TM9SF4: variants seen among roughly 807,000 people sequenced by gnomAD.
TM9SF4 encodes the protein dinucleotide oxidase disulfide thiol exchanger 3 superfamily member 4.
Under a neutral mutation model 90.4 loss-of-function variants are expected in TM9SF4, and 26 were observed. The observed-to-expected ratio is 0.29, with a 90% CI of 0.21 to 0.40. The LOEUF is 0.40. Among genes scored for constraint, TM9SF4 ranks in the 10% least tolerant of loss-of-function variants. TM9SF4 has a pLI of 1.00. For missense variants in TM9SF4, 549 were observed against 834.8 expected, an observed-to-expected ratio of 0.66 and a Z score of 4.22; for synonymous variants, 293 against 315.4, an observed-to-expected ratio of 0.93 and a Z score of 0.75.
Position 32,157,919 on chromosome 20 carries a change from G to C in TM9SF4, c.1455G>C (p.Gln485His). Residue 485 changes from glutamine (Q) to histidine (H), a missense_variant, in exon 14 of 18, where the codon CAG becomes CAC. Physicochemically the swap from Gln to His is conservative, Grantham distance 24. Coordinates refer to ENST00000398022, the MANE Select transcript of TM9SF4 (RefSeq NM_014742.4). ...QPYDNPVRTN[Q>H]IPRQIPEQRW... ...ATGACAACCCTGTGCGCACCAACCA[G>C]ATTCCCCGGCAGATCCCCGAGCAGC... The C allele has an allele frequency of 1.9e-6, 3 of 1,614,140 alleles. No homozygotes were observed. Among genetic ancestry groups the C allele is most frequent in the Non-Finnish European group, 2.5e-6 (3 of 1,180,026 alleles).
Position 32,161,333 on chromosome 20 carries a change from C to T in TM9SF4, c.1747C>T (p.Leu583=), listed in dbSNP as rs1289603230. The T allele has an allele frequency of 6.2e-7, 1 of 1,613,900 alleles. No homozygotes were observed. The highest frequency in any genetic ancestry group is 8.5e-7 in the Non-Finnish European group (1 of 1,179,996). The change falls in exon 17 of 18, where the codon CTG becomes TTG. Residue 583 remains leucine, a synonymous_variant. Transcript: ENST00000398022. ...CTCCGGGGGCTCTGCATTCTACGTC[C>T]TGGTTTATGCCATCTTTTATTTCGT... ...LVSGGSAFYV[L]VYAIFYFVNK... is the part of the protein sequence containing the mutation.
At chr20:32,160,145 A>G in intron 16 of TM9SF4, 34 bp downstream of exon 16, 1 of 1,613,662 alleles carries the variant, frequency 6.2e-7, no homozygotes, top group Non-Finnish European at 8.5e-7. Context: ...CGGGGGAGGG[A>G]GAACTGGATC....
chr20:32,114,506 T>C (rs1323704982), intron 1 of TM9SF4, among the ~76,000 whole-genome samples: 1 of 152,188 alleles, frequency 6.6e-6, no homozygotes, highest in Admixed American at 6.5e-5. Flanking sequence ...TTTTTAATTA[T>C]ATTTTTCTTA....
In TM9SF4 at chr20:32,163,268, AATATAT is replaced by A. The variant is rs1186662308; in HGVS notation, c.1779+1926_1779+1931del. Reference sequence around the variant, plus strand: ...CTCAAAAAAAAAAAAAAAAAAAAAAAATATATATATATATATATATATATATATGTA... The same window carrying A: ...CTCAAAAAAAAAAAAAAAAAAAAAAAATATATATATATATATATATATGTA... On this transcript the variant is annotated intron_variant, in intron 17 of 17. Transcript: ENST00000398022. 1.6e-4 allele frequency among the ~76,000 whole-genome samples: 12 copies of A among 74,480 alleles called. 1 individual carries two copies. Among genetic ancestry groups the A allele is most frequent in the South Asian group, 3.5e-4 (1 of 2,840 alleles). The allele number at this position is 74,480 out of a possible 152,430, so 48.9% of individuals were successfully genotyped here.
chr20:32,129,414 G>A (rs1167705221), intron 1 of TM9SF4, among the ~76,000 whole-genome samples: 1 of 152,060 alleles, frequency 6.6e-6, no homozygotes, highest in East Asian at 1.9e-4. Context: ...GATCTCTTGA[G>A]CCCAAGAGGT....
intron 1 of TM9SF4, among the ~76,000 whole-genome samples, chr20:32,123,854 A>ATTTTT (rs2046372901): frequency 1.6e-5 from 1 of 63,076 alleles, no homozygotes; most frequent in African/African-American, 1.1e-4. Flanking sequence ...TCATATATAT[A>ATTTTT]TATATATATA....
At chr20:32,162,764 G>T (rs185178960) in intron 17 of TM9SF4, among the ~76,000 whole-genome samples, 45 of 152,010 alleles carry the variant, frequency 3.0e-4, no homozygotes, top group Admixed American at 2.3e-3. Context: ...TTAATTCTGG[G>T]ATCATCTAGA....
intron 1 of TM9SF4, among the ~76,000 whole-genome samples, chr20:32,132,420 C>T (rs2046532911): frequency 6.6e-6 from 1 of 151,794 alleles, no homozygotes; most frequent in Non-Finnish European, 1.5e-5. Flanking sequence ...AGAGATGTGC[C>T]GTGCAGGTGC....
At chr20:32,136,940 G>C in intron 3 of TM9SF4, 1 of 471,146 alleles carries the variant, frequency 2.1e-6, no homozygotes, top group South Asian at 1.5e-5. Context: ...CTCCGTCAGG[G>C]CTACGCATGG....
At chr20:32,163,281 ATATATATATATATATG>A (rs1455566758) in intron 17 of TM9SF4, among the ~76,000 whole-genome samples, 5 of 122,700 alleles carry the variant, frequency 4.1e-5, no homozygotes, top group East Asian at 2.6e-4. Context: ...ATATATATAT[ATATATATATATATATG>A]TATGTATGTA....
At position 32,157,790 on chromosome 20, in the gene TM9SF4, A is replaced by G. The variant is rs1408319942; in HGVS notation, c.1330-4A>G. Reference sequence around the variant, plus strand: ...GTGGGGGCCTCATGGTGCCATGTCTACAGGTGCCCTTTCCCACCATGGTGG... The same window carrying G: ...GTGGGGGCCTCATGGTGCCATGTCTGCAGGTGCCCTTTCCCACCATGGTGG... On this transcript the variant is annotated splice_region_variant and splice_polypyrimidine_tract_variant and intron_variant, in intron 13 of 17. Transcript: ENST00000398022. 1 of 1,614,028 alleles carries G rather than the reference A, an allele frequency of 6.2e-7. No individual in the cohort carries two copies. The highest frequency in any genetic ancestry group is 8.5e-7 in the Non-Finnish European group (1 of 1,179,922).
intron 1 of TM9SF4, among the ~76,000 whole-genome samples, chr20:32,119,665 T>G (rs116846231): frequency 2.5e-3 from 381 of 152,226 alleles, no homozygotes; most frequent in Non-Finnish European, 4.5e-3. Context: ...GTAAAAGTTT[T>G]TAAATTTTTA....
At chr20:32,140,497 T>C (rs893256985) in intron 3 of TM9SF4, among the ~76,000 whole-genome samples, 24 of 152,326 alleles carry the variant, frequency 1.6e-4, no homozygotes, top group African/African-American at 5.8e-4. Flanking sequence ...GAAACATGAC[T>C]GTATCAGCAC....
At chr20:32,119,353 T>G (rs1314675513) in intron 1 of TM9SF4, among the ~76,000 whole-genome samples, 1 of 152,182 alleles carries the variant, frequency 6.6e-6, no homozygotes, top group Admixed American at 6.5e-5. Flanking sequence ...CCCAGCACTT[T>G]GGGAGGCCGA....
At chr20:32,122,050 G>A (rs1167480283) in intron 1 of TM9SF4, among the ~76,000 whole-genome samples, 3 of 117,974 alleles carry the variant, frequency 2.5e-5, no homozygotes, top group East Asian at 2.7e-4. Flanking sequence ...ACCTCCCTCC[G>A]GGACGGGGCA....
At position 32,159,995 on chromosome 20, in the gene TM9SF4, A is replaced by C; in HGVS notation, c.1573A>C (p.Ile525Leu). 6.2e-7 allele frequency: 1 copy of C among 1,614,240 alleles called. No homozygotes were observed. Among genetic ancestry groups the C allele is most frequent in the Non-Finnish European group, 8.5e-7 (1 of 1,180,048 alleles). ...FIELFFIFSA[I>L]WENQFYYLFG... ...AAGCCCCACTGTGTGTCCACAGGCT[A>C]TCTGGGAGAATCAGTTCTATTACCT... Residue 525 changes from isoleucine to leucine, a missense_variant, in exon 16 of 18, where the codon ATC becomes CTC. Transcript: ENST00000398022.
At chr20:32,109,804 G>T (rs1032649757) in intron 1 of TM9SF4, 49 bp downstream of exon 1, 3 of 1,551,266 alleles carry the variant, frequency 1.9e-6, no homozygotes, top group Non-Finnish European at 2.6e-6. Flanking sequence ...GGCCCTCCGG[G>T]GTATCCCAGG....
intron 14 of TM9SF4, 49 bp downstream of exon 14, chr20:32,158,018 G>GCC: frequency 1.9e-6 from 3 of 1,600,520 alleles, no homozygotes; most frequent in Non-Finnish European, 2.6e-6. Flanking sequence ...AAGAGGGTAC[G>GCC]CCCCCCTCCG....
intron 1 of TM9SF4, among the ~76,000 whole-genome samples, chr20:32,117,539 G>C (rs1275663953): frequency 6.6e-6 from 1 of 152,154 alleles, no homozygotes; most frequent in Admixed American, 6.5e-5. Context: ...AAACTGGGTG[G>C]GGTGAATTTG....
Sources: allele counts gnomAD v4.1 joint callset (sites outside exome capture counted in the v4.1 genomes callset), GRCh38; gene constraint gnomAD v4.1.1; transcripts MANE v1.5; gene names NCBI Gene and HGNC (gene_info 2026-07-23, HGNC 2026-07-21).